The following LRRC20 variants were observed in gnomAD, a reference collection of about 807,000 sequenced individuals.
LRRC20 encodes the protein leucine rich repeat containing 20.
Under a neutral mutation model 14.4 loss-of-function variants are expected in LRRC20, and 11 were observed. That is an observed-to-expected ratio of 0.77 (90% confidence interval 0.48 to 1.27). The LOEUF is 1.27. Among genes scored for constraint, LRRC20 ranks in the 50% most tolerant of loss-of-function variants. The pLI is 0.00. For synonymous variants in LRRC20, 121 were observed against 107.3 expected (o/e 1.13, Z -0.79); for missense variants, 219 against 251.2 (o/e 0.87, Z 0.87).
At chr10:70,316,332 C>T (rs1304101050) in intron 4 of LRRC20, among the ~76,000 whole-genome samples, 2 of 152,154 alleles carry the variant, frequency 1.3e-5, no homozygotes, top group Non-Finnish European at 2.9e-5. Flanking sequence ...GGGGTTTCAC[C>T]ACATCGGCCA....
At chr10:70,318,631 G>A (rs1463865460) in intron 4 of LRRC20, among the ~76,000 whole-genome samples, 1 of 151,914 alleles carries the variant, frequency 6.6e-6, no homozygotes, top group Non-Finnish European at 1.5e-5. Context: ...GTGTGCACCT[G>A]TGGTTCCAGG....
intron 4 of LRRC20, among the ~76,000 whole-genome samples, chr10:70,321,049 T>C (rs1157983658): frequency 6.6e-6 from 1 of 152,204 alleles, no homozygotes; most frequent in Non-Finnish European, 1.5e-5. Context: ...GCTGTCCTTC[T>C]GATTCACTTG....
Position 70,319,971 on chromosome 10 carries a change from A to G in LRRC20, c.400+3892T>C, listed in dbSNP as rs141684264. On this transcript the variant is annotated intron_variant, in intron 4 of 4. Transcript: ENST00000446961. ...CCAGGGAGTCAGCTGGGAAAGGGAG[A>G]AGCCCCTTGACCCACTCTGCTTCCC... 3.0e-3 allele frequency among the ~76,000 whole-genome samples: 461 copies of G among 152,172 alleles called. 3 individuals are homozygous for G. Among genetic ancestry groups the G allele is most frequent in the African/African-American group, 0.011 (450 of 41,496 alleles).
intron 2 of LRRC20, among the ~76,000 whole-genome samples, chr10:70,342,458 G>A (rs1390555753): frequency 6.6e-6 from 1 of 151,914 alleles, no homozygotes; most frequent in Non-Finnish European, 1.5e-5. Flanking sequence ...ATATATAATT[G>A]TATATATTAT....
chr10:70,376,305 C>T (rs894550446), intron 2 of LRRC20, 147 bp downstream of exon 2: 28 of 796,368 alleles, frequency 3.5e-5, no homozygotes, highest in African/African-American at 5.1e-5. Context: ...ACACAAATTA[C>T]ACACTGTTGC....
intron 2 of LRRC20, among the ~76,000 whole-genome samples, chr10:70,357,959 G>T (rs1843592870): frequency 6.6e-6 from 1 of 152,232 alleles, no homozygotes; most frequent in South Asian, 2.1e-4. Flanking sequence ...AGGCCCTGAG[G>T]TCTTCCTGCA....
intron 4 of LRRC20, among the ~76,000 whole-genome samples, chr10:70,303,878 T>A (rs554052561): frequency 2.0e-4 from 31 of 152,316 alleles, no homozygotes; most frequent in African/African-American, 7.0e-4. Flanking sequence ...TTAAAGGATA[T>A]GGGGACTCCT....
chr10:70,346,595 A>G (rs1021177665), intron 2 of LRRC20, among the ~76,000 whole-genome samples: 22 of 152,184 alleles, frequency 1.4e-4, no homozygotes, highest in African/African-American at 5.1e-4. Context: ...TTCATGTTAC[A>G]GAGCGTAGGG....
intron 2 of LRRC20, among the ~76,000 whole-genome samples, chr10:70,347,329 T>C (rs760758777): frequency 6.6e-6 from 1 of 151,864 alleles, no homozygotes; most frequent in East Asian, 1.9e-4. Context: ...CTCCCCACAG[T>C]AGGGAGAGAA....
chr10:70,301,363 G>T lies in LRRC20; in HGVS notation c.546C>A (p.Pro182=). 1 of 1,612,696 alleles carries T rather than the reference G, an allele frequency of 6.2e-7. No homozygotes were observed. Among genetic ancestry groups the T allele is most frequent in the Non-Finnish European group, 8.5e-7 (1 of 1,179,746 alleles). Residue 182 remains proline (P), a synonymous_variant, in exon 5 of 5, where the codon CCC becomes CCA. Transcript: ENST00000446961. ...GCATGAGGAGGGTGGCCTAAGGTAG[G>T]GGGGCTCTTGCGCCTTCCGGAGACA... ...MLMSPEGARA[P]LP
intron 1 of LRRC20, among the ~76,000 whole-genome samples, chr10:70,381,213 G>A (rs1264462251): frequency 6.6e-6 from 1 of 152,240 alleles, no homozygotes; most frequent in Non-Finnish European, 1.5e-5. Flanking sequence ...ATTATTGTGG[G>A]AAGTAACTGA....
At chr10:70,323,404 G>A (rs908620731) in intron 4 of LRRC20, among the ~76,000 whole-genome samples, 2 of 152,172 alleles carry the variant, frequency 1.3e-5, no homozygotes, top group African/African-American at 4.8e-5. Context: ...CTGACAGGGA[G>A]CAGCGTGTTT....
In LRRC20 at chr10:70,361,768, A is replaced by C. The variant is rs550581597; in HGVS notation, c.82+14684T>G. On this transcript the variant is annotated intron_variant, in intron 2 of 4. Coordinates refer to ENST00000446961, the MANE Select transcript of LRRC20 (RefSeq NM_001278212.2). ...CGGTACACAGACACAGGACACAGTA[A>C]ATACACATCTGCCGGAGTGAATGTG... is the stretch of plus-strand genomic sequence containing the variant. 2.0e-5 allele frequency among the ~76,000 whole-genome samples: 3 copies of C among 152,210 alleles called. No individual in the cohort carries two copies. In the East Asian group the frequency reaches 5.8e-4, roughly 29 times the overall value.
chr10:70,302,698 C>T (rs1166182056), intron 4 of LRRC20, among the ~76,000 whole-genome samples: 2 of 151,838 alleles, frequency 1.3e-5, no homozygotes, highest in Non-Finnish European at 1.5e-5. Flanking sequence ...CATAGTGAGA[C>T]CCCAGTCTCT....
rs190207107 is a variant in LRRC20, at chr10:70,356,628, A to C, written c.83-15926T>G. ...AGCACTTTGGGAGGCCGAGGCGGGC[A>C]GATCACGAGGTTAGGAGTTTGAGAC... On this transcript the variant is annotated intron_variant, in intron 2 of 4. Coordinates refer to ENST00000446961, the MANE Select transcript of LRRC20 (RefSeq NM_001278212.2). 1.5e-3 allele frequency among the ~76,000 whole-genome samples: 229 copies of C among 152,276 alleles called. 1 individual carries two copies. The highest frequency in any genetic ancestry group is 5.2e-3 in the African/African-American group (216 of 41,560).
chr10:70,350,670 C>T (rs1156913598), intron 2 of LRRC20, among the ~76,000 whole-genome samples: 1 of 152,210 alleles, frequency 6.6e-6, no homozygotes, highest in African/African-American at 2.4e-5. Flanking sequence ...TGGAGCAGGA[C>T]TTCCCTGCCA....
At chr10:70,380,723 C>T (rs1844669988) in intron 1 of LRRC20, among the ~76,000 whole-genome samples, 1 of 152,220 alleles carries the variant, frequency 6.6e-6, no homozygotes, top group African/African-American at 2.4e-5. Flanking sequence ...AAAGCATGGC[C>T]CTCTCCACAC....
At chr10:70,308,312 TGGGGTC>T (rs1841500341) in intron 4 of LRRC20, among the ~76,000 whole-genome samples, 1 of 151,890 alleles carries the variant, frequency 6.6e-6, no homozygotes, top group Non-Finnish European at 1.5e-5. Context: ...TAATTTTGCC[TGGGGTC>T]ACCCAGCCAG....
At chr10:70,327,142 T>C (rs1075388) in intron 3 of LRRC20, among the ~76,000 whole-genome samples, 11,901 of 152,290 alleles carry the variant, frequency 0.078, 787 homozygotes, top group East Asian at 0.31. Flanking sequence ...CCGTGGAAGC[T>C]AATGTGGGGG....
Sources: gnomAD v4.1 joint callset for allele counts (sites outside exome capture counted in the v4.1 genomes callset) on GRCh38, gnomAD v4.1.1 for gene constraint, MANE v1.5 for transcripts, NCBI Gene and HGNC (gene_info 2026-07-23, HGNC 2026-07-21) for gene names.